Variants in SMARCAL1 observed in about 807,000 individuals in gnomAD.
SMARCAL1 encodes the protein ATP-driven annealing helicase.
Under a neutral mutation model 94.5 loss-of-function variants are expected in SMARCAL1, and 58 were observed. The ratio of observed to expected loss-of-function variants is 0.61; its 90% CI spans 0.50 to 0.76. The LOEUF is 0.76. Ranked by LOEUF, SMARCAL1 falls within the 30% of genes least tolerant of loss-of-function variation. SMARCAL1 has a pLI of 0.00. For synonymous variants in SMARCAL1, 422 were observed against 455.1 expected (o/e 0.93, Z 0.93); for missense variants, 1,051 against 1,177.9 (o/e 0.89, Z 1.58).
Position 216,454,736 on chromosome 2 carries a change from G to A in SMARCAL1, c.2070+3672G>A, listed in dbSNP as rs58495153. On this transcript the variant is annotated intron_variant, in intron 12 of 17. Coordinates refer to ENST00000357276, the MANE Select transcript of SMARCAL1 (RefSeq NM_014140.4). ...ATCTTGGGGCGGTTCCAAGATGGCC[G>A]AATAGGAACAGCTCCAGTCTACAGC... 9.2e-3 allele frequency among the ~76,000 whole-genome samples: 1,405 copies of A among 152,266 alleles called. 24 individuals are homozygous for A. Among genetic ancestry groups the A allele is most frequent in the African/African-American group, 0.031 (1,285 of 41,546 alleles).
chr2:216,444,328 G>T (rs1274521144), intron 10 of SMARCAL1, among the ~76,000 whole-genome samples: 1 of 151,818 alleles, frequency 6.6e-6, no homozygotes, highest in African/African-American at 2.4e-5. Flanking sequence ...CTAGTCTAGG[G>T]TTTTGGCAAA....
rs577071505 is a variant in SMARCAL1 at position 216,462,162 on chromosome 2, C to T, written c.2071-2435C>T. Among the ~76,000 whole-genome samples the T allele has an allele frequency of 5.3e-5, 8 of 152,346 alleles. No individual in the cohort carries two copies. The East Asian group carries it at 1.5e-3, about 29-fold the overall frequency. On this transcript the variant is annotated intron_variant, in intron 12 of 17. Transcript: ENST00000357276. ...AAAAGTGTTTGTTTCTTCATACTCT[C>T]ATCAACTCTAGGTGCTAAATGTTAG... is the stretch of plus-strand genomic sequence containing the variant.
chr2:216,417,701 G>T (rs1179563745), intron 4 of SMARCAL1, among the ~76,000 whole-genome samples: 1 of 152,178 alleles, frequency 6.6e-6, no homozygotes, highest in African/African-American at 2.4e-5. Context: ...TCTAGTGAGG[G>T]CTCATTTTTT....
At chr2:216,448,618 A>G (rs951005245) in intron 11 of SMARCAL1, among the ~76,000 whole-genome samples, 1 of 152,122 alleles carries the variant, frequency 6.6e-6, no homozygotes, top group South Asian at 2.1e-4. Flanking sequence ...CCAGTGCCTG[A>G]TATGTGGTAA....
In SMARCAL1 at chr2:216,414,961, C is replaced by T. The variant is rs757932073; in HGVS notation, c.257C>T (p.Pro86Leu). Reference protein sequence around the residue: ...LSSSSNADQRPHDSHSFQAKG... With the variant: ...LSSSSNADQRLHDSHSFQAKG... ...AGCTCATCTAATGCTGACCAAAGAC[C>T]TCATGATTCCCACAGTTTTCAGGCA... The change falls in exon 3 of 18, where the codon CCT becomes CTT. Residue 86 changes from proline to leucine, a missense_variant. By Grantham distance (98) the Pro-to-Leu change is moderately conservative. This residue lies in a region of SMARCAL1 where 398 missense variants were observed against 395.2 expected (regional missense o/e 1.01). Transcript: ENST00000357276. 4 of 1,614,066 alleles carry T rather than the reference C, an allele frequency of 2.5e-6. No homozygotes were observed. Among genetic ancestry groups the T allele is most frequent in the Non-Finnish European group, 3.4e-6 (4 of 1,180,046 alleles).
intron 13 of SMARCAL1, among the ~76,000 whole-genome samples, chr2:216,466,919 G>A (rs887958756): frequency 1.1e-4 from 16 of 152,158 alleles, no homozygotes; most frequent in Admixed American, 8.5e-4. Context: ...GGCAGTCCAC[G>A]TACCTTTCCC....
intron 7 of SMARCAL1, among the ~76,000 whole-genome samples, chr2:216,431,537 T>G (rs1323379735): frequency 1.3e-5 from 2 of 152,218 alleles, no homozygotes; most frequent in African/African-American, 4.8e-5. Context: ...ATAGAAGCAC[T>G]TCCTTAGCAC....
chr2:216,412,512 G>C lies in SMARCAL1; in HGVS notation c.-232G>C, dbSNP rs1693480923. On this transcript the variant is annotated 5_prime_UTR_variant, in exon 1 of 18. Transcript: ENST00000357276. ...CCTTCAGGCCTGGCCGCTACAATAAGGCTGGCGAACTCGCAGCGCTTGAAT... is the reference window on the plus strand; with the variant it reads ...CCTTCAGGCCTGGCCGCTACAATAACGCTGGCGAACTCGCAGCGCTTGAAT... The C allele has an allele frequency of 6.6e-6, 1 of 152,266 alleles. No individual in the cohort carries two copies. Among genetic ancestry groups the C allele is most frequent in the African/African-American group, 2.4e-5 (1 of 41,466 alleles). 9.4% of individuals were successfully genotyped at this position (152,266 alleles called of 1,614,324 possible).
rs140454201 is a variant in SMARCAL1 at position 216,453,006 on chromosome 2, C to T, written c.2070+1942C>T. Among the ~76,000 whole-genome samples the T allele has an allele frequency of 4.6e-5, 7 of 152,250 alleles. No individual in the cohort carries two copies. In the East Asian group the frequency reaches 5.8e-4, roughly 13 times the overall value. The stretch of plus-strand genomic sequence containing the variant: ...ATTTTTATATTTTCTTGCTTAGAAA[C>T]GGAGCCACAACTCCCTTTTGGTTGT... On this transcript the variant is annotated intron_variant, in intron 12 of 17. Transcript: ENST00000357276.
At position 216,415,428 on chromosome 2, in the gene SMARCAL1, G is replaced by T. The variant is rs375140716; in HGVS notation, c.724G>T (p.Val242Leu). Reference sequence around the variant, plus strand: ...AGTGAACTCTCAGAAGGGAAAGTGCGTAAGGAACGGCGATCGTTTCCAGGT... The same window carrying T: ...AGTGAACTCTCAGAAGGGAAAGTGCTTAAGGAACGGCGATCGTTTCCAGGT... ...KGVNSQKGKC[V>L]RNGDRFQVLI... Residue 242 changes from valine to leucine, a missense_variant, in exon 3 of 18, where the codon GTA becomes TTA. Val to Leu is a conservative substitution (Grantham distance 32). Transcript: ENST00000357276. The T allele has an allele frequency of 6.2e-7, 1 of 1,614,118 alleles. No individual in the cohort carries two copies. Among genetic ancestry groups the T allele is most frequent in the Admixed American group, 1.7e-5 (1 of 60,008 alleles).
chr2:216,462,538 G>A lies in SMARCAL1; in HGVS notation c.2071-2059G>A, dbSNP rs186176304. Among the ~76,000 whole-genome samples the A allele has an allele frequency of 2.5e-4, 38 of 152,316 alleles. No individual in the cohort carries two copies. In the East Asian group the frequency reaches 6.9e-3, roughly 28 times the overall value. ...GAAAAGTTGTGTATGTTTCCAGAGCGTGATACAAAATAGGAGGGTAGGTGG... is the reference window on the plus strand; with the variant it reads ...GAAAAGTTGTGTATGTTTCCAGAGCATGATACAAAATAGGAGGGTAGGTGG... On this transcript the variant is annotated intron_variant, in intron 12 of 17. Transcript: ENST00000357276.
intron 3 of SMARCAL1, chr2:216,415,827 T>C: frequency 2.3e-6 from 1 of 444,088 alleles, no homozygotes; most frequent in Non-Finnish European, 4.1e-6. Flanking sequence ...AATAAGTAGA[T>C]GTTATTTTAG....
chr2:216,438,125 C>T (rs1199726136), intron 9 of SMARCAL1, among the ~76,000 whole-genome samples: 1 of 152,200 alleles, frequency 6.6e-6, no homozygotes, highest in Non-Finnish European at 1.5e-5. Flanking sequence ...AAACCACCTT[C>T]TAGTGGTTTC....
intron 13 of SMARCAL1, among the ~76,000 whole-genome samples, chr2:216,466,321 T>G (rs961005501): frequency 6.6e-6 from 1 of 152,218 alleles, no homozygotes; most frequent in African/African-American, 2.4e-5. Context: ...CTTTGTAGTT[T>G]CCAAACATTT....
At chr2:216,448,718 G>T (rs1391520805) in intron 11 of SMARCAL1, among the ~76,000 whole-genome samples, 3 of 152,036 alleles carry the variant, frequency 2.0e-5, no homozygotes, top group Non-Finnish European at 4.4e-5. Flanking sequence ...TGTAGTCCCA[G>T]CTACTCTGCA....
intron 14 of SMARCAL1, among the ~76,000 whole-genome samples, chr2:216,469,333 G>C (rs1164226041): frequency 1.4e-5 from 2 of 141,494 alleles, no homozygotes; most frequent in East Asian, 4.1e-4. Context: ...CCAGGCTGGA[G>C]TGCAGTAGCA....
chr2:216,471,442 C>G (rs1311912445), intron 14 of SMARCAL1, among the ~76,000 whole-genome samples: 1 of 151,070 alleles, frequency 6.6e-6, no homozygotes, highest in Non-Finnish European at 1.5e-5. Context: ...CTGCAACCTT[C>G]GCCTCCTGGC....
chr2:216,419,141 A>G (rs759155437), intron 4 of SMARCAL1, among the ~76,000 whole-genome samples: 7 of 152,230 alleles, frequency 4.6e-5, no homozygotes, highest in Non-Finnish European at 8.8e-5. Flanking sequence ...AAGTTGAATC[A>G]TTATTCTTAG....
intron 14 of SMARCAL1, among the ~76,000 whole-genome samples, chr2:216,469,629 G>A (rs190163202): frequency 6.7e-4 from 102 of 152,268 alleles, no homozygotes; most frequent in African/African-American, 2.2e-3. Flanking sequence ...CTATACTGCA[G>A]TTTATCCATT....
Sources: gnomAD v4.1 joint callset for allele counts (sites outside exome capture counted in the v4.1 genomes callset) on GRCh38, gnomAD v4.1.1 for gene constraint, gnomAD v4.1.1 regional missense constraint, MANE v1.5 for transcripts, NCBI Gene and HGNC (gene_info 2026-07-23, HGNC 2026-07-21) for gene names.